Variants in E2F3 observed in about 807,000 individuals in gnomAD.
The protein encoded by E2F3 is transcription factor E2F3.
In E2F3, 11 loss-of-function variants were observed where a neutral mutation model predicts 44.4. The ratio of observed to expected loss-of-function variants is 0.25; its 90% confidence interval spans 0.16 to 0.41. The LOEUF (loss-of-function observed/expected upper bound fraction) is 0.41, where lower values mean the gene tolerates loss of function less well. Among genes scored for constraint, E2F3 ranks in the 10% least tolerant of loss-of-function variants. E2F3 has a pLI of 1.00. For missense variants in E2F3, 487 were observed against 583.6 expected, an observed-to-expected ratio of 0.83 and a Z score of 1.70; for synonymous variants, 249 against 253.0, an observed-to-expected ratio of 0.98 and a Z score of 0.15.
chr6:20,442,488 T>C (rs1760810073), intron 1 of E2F3, among the ~76,000 whole-genome samples: 1 of 152,252 alleles, frequency 6.6e-6, no homozygotes, highest in Non-Finnish European at 1.5e-5. Context: ...CAACATGCGG[T>C]GTTTCGTGCA....
chr6:20,417,757 G>A (rs1759895182), intron 1 of E2F3, among the ~76,000 whole-genome samples: 1 of 152,076 alleles, frequency 6.6e-6, no homozygotes, highest in South Asian at 2.1e-4. Flanking sequence ...GTTTGGGACG[G>A]TTTGGTAGTT....
At chr6:20,481,120 G>A in intron 2 of E2F3, 86 bp from the exon 3 acceptor site, 2 of 1,271,270 alleles carry the variant, frequency 1.6e-6, no homozygotes, top group Non-Finnish European at 1.1e-6. Flanking sequence ...CAGTGGGAAA[G>A]AGAGCTTGCT....
intron 1 of E2F3, among the ~76,000 whole-genome samples, chr6:20,434,842 G>T (rs1257585817): frequency 4.6e-5 from 7 of 152,272 alleles, no homozygotes; most frequent in Admixed American, 1.3e-4. Context: ...GCAGAATCAG[G>T]CTTCTGTTCA....
intron 1 of E2F3, among the ~76,000 whole-genome samples, chr6:20,406,996 A>G (rs371103356): frequency 1.3e-5 from 2 of 152,226 alleles, no homozygotes; most frequent in African/African-American, 2.4e-5. Context: ...GTAAGAGACT[A>G]TGTCCTGTCA....
intron 1 of E2F3, among the ~76,000 whole-genome samples, chr6:20,476,005 C>A (rs1762031044): frequency 6.6e-6 from 1 of 152,198 alleles, no homozygotes; most frequent in Non-Finnish European, 1.5e-5. Context: ...CCCTGTCACA[C>A]CATAGCCATC....
chr6:20,414,928 C>G (rs1344408427), intron 1 of E2F3, among the ~76,000 whole-genome samples: 2 of 152,170 alleles, frequency 1.3e-5, no homozygotes, highest in Admixed American at 6.5e-5. Context: ...CTGTAGTTAC[C>G]TAAAATAGTG....
Position 20,492,949 on chromosome 6 carries a change from G to T in E2F3, c.*2519G>T, listed in dbSNP as rs1762593174. The T allele has an allele frequency of 4.6e-6, 1 of 216,454 alleles. No homozygotes were observed. Among genetic ancestry groups the T allele is most frequent in the East Asian group, 6.9e-5 (1 of 14,538 alleles). 13.4% of individuals were successfully genotyped at this position (216,454 alleles called of 1,614,324 possible). On this transcript the variant is annotated 3_prime_UTR_variant, in exon 7 of 7. Transcript: ENST00000346618. ...TGCTATTAAAGCTCACACACGAAAT[G>T]GCTAAAAGTTACAAGTGTGCAAATT...
intron 1 of E2F3, among the ~76,000 whole-genome samples, chr6:20,429,054 A>C (rs1255327118): frequency 6.6e-6 from 1 of 152,180 alleles, no homozygotes; most frequent in Admixed American, 6.5e-5. Context: ...TGCTATTGGC[A>C]TCTAGTGCGT....
At chr6:20,486,303 C>T (rs888486437) in intron 4 of E2F3, among the ~76,000 whole-genome samples, 4 of 152,128 alleles carry the variant, frequency 2.6e-5, no homozygotes, top group Admixed American at 6.5e-5. Flanking sequence ...GAAGGAGTCT[C>T]GCTCTGTCGC....
At chr6:20,403,404 C>A (rs1759377101) in intron 1 of E2F3, among the ~76,000 whole-genome samples, 1 of 152,126 alleles carries the variant, frequency 6.6e-6, no homozygotes, top group Non-Finnish European at 1.5e-5. Context: ...ACCCGCCTCT[C>A]CCCTTGCCCC....
chr6:20,482,774 G>C lies in E2F3; in HGVS notation c.738G>C (p.Leu246=). ...TTTGGGTTTCTAGGGGCTGCAGTCT[G>C]TCTGAGGATGGGGGCATGCTGGCCC... ...KNNVQWMGCS[L]SEDGGMLAQC... Residue 246 remains leucine (L), a synonymous_variant, in exon 4 of 7, where the codon CTG becomes CTC. Coordinates refer to ENST00000346618, the MANE Select transcript of E2F3 (RefSeq NM_001949.5). 1.2e-6 allele frequency: 2 copies of C among 1,609,682 alleles called. No homozygotes were observed. Among genetic ancestry groups the C allele is most frequent in the Non-Finnish European group, 1.7e-6 (2 of 1,178,012 alleles).
chr6:20,463,632 A>G (rs1483575515), intron 1 of E2F3, among the ~76,000 whole-genome samples: 1 of 152,206 alleles, frequency 6.6e-6, no homozygotes, highest in African/African-American at 2.4e-5. Context: ...GAGAATATAG[A>G]GGAACTAAAA....
At chr6:20,477,057 G>T (rs1035911222) in intron 1 of E2F3, among the ~76,000 whole-genome samples, 2 of 152,200 alleles carry the variant, frequency 1.3e-5, no homozygotes, top group Non-Finnish European at 2.9e-5. Flanking sequence ...CAACATTGGG[G>T]TTAGAGGTGC....
intron 1 of E2F3, among the ~76,000 whole-genome samples, chr6:20,475,773 G>T (rs544203108): frequency 6.6e-6 from 1 of 152,252 alleles, no homozygotes; most frequent in African/African-American, 2.4e-5. Flanking sequence ...GATTACAGGC[G>T]TGAGCCATTG....
At chr6:20,432,951 A>G (rs1423735624) in intron 1 of E2F3, among the ~76,000 whole-genome samples, 1 of 152,132 alleles carries the variant, frequency 6.6e-6, no homozygotes, top group Non-Finnish European at 1.5e-5. Flanking sequence ...CTATTGACTC[A>G]CCTGTCACTT....
At chr6:20,404,120 C>G (rs963260780) in intron 1 of E2F3, among the ~76,000 whole-genome samples, 3 of 134,688 alleles carry the variant, frequency 2.2e-5, no homozygotes, top group African/African-American at 8.1e-5. Flanking sequence ...CCGGAGGGGG[C>G]TTCTCGCCAA....
intron 1 of E2F3, among the ~76,000 whole-genome samples, chr6:20,461,028 A>G (rs1208031950): frequency 6.8e-6 from 1 of 147,800 alleles, no homozygotes; most frequent in East Asian, 2.0e-4. Flanking sequence ...AAAAAAAGCC[A>G]TGTATATTTT....
intron 1 of E2F3, among the ~76,000 whole-genome samples, chr6:20,443,241 T>G (rs943098668): frequency 2.0e-5 from 3 of 152,220 alleles, no homozygotes; most frequent in Non-Finnish European, 2.9e-5. Flanking sequence ...TGTCTCTTCA[T>G]GGAATTGTTC....
intron 1 of E2F3, among the ~76,000 whole-genome samples, chr6:20,436,452 AACACACAC>A (rs765678025): frequency 1.2e-4 from 18 of 146,340 alleles, no homozygotes; most frequent in South Asian, 2.3e-4. Flanking sequence ...TGAGCTAGGA[AACACACAC>A]ACACACACAC....
Sources: gnomAD v4.1 joint callset for allele counts (sites outside exome capture counted in the v4.1 genomes callset) on GRCh38, gnomAD v4.1.1 for gene constraint, MANE v1.5 for transcripts, NCBI Gene and HGNC (gene_info 2026-07-23, HGNC 2026-07-21) for gene names.